The following IL31RA variants were observed in gnomAD, a reference collection of about 807,000 sequenced individuals.
The protein encoded by IL31RA is interleukin 31 receptor A, also known as interleukin-31 receptor subunit alpha.
A neutral mutation model predicts 83.7 loss-of-function variants in IL31RA; 66 were observed. That is an observed-to-expected ratio of 0.79 (90% CI 0.65 to 0.97). The LOEUF is 0.97. Among genes scored for constraint, IL31RA ranks in the 50% least tolerant of loss-of-function variants. The pLI, the probability that IL31RA is intolerant of heterozygous loss-of-function variation, is 0.00. For synonymous variants in IL31RA, 325 were observed against 329.0 expected, an observed-to-expected ratio of 0.99 and a Z score of 0.13; for missense variants, 798 against 919.4, an observed-to-expected ratio of 0.87 and a Z score of 1.71.
At chr5:55,867,445 T>G (rs1746256223) in intron 2 of IL31RA, among the ~76,000 whole-genome samples, 1 of 152,120 alleles carries the variant, frequency 6.6e-6, no homozygotes, top group Non-Finnish European at 1.5e-5. Flanking sequence ...GATACCAAAA[T>G]ATACTGAAAT....
intron 2 of IL31RA, among the ~76,000 whole-genome samples, chr5:55,867,456 G>A (rs901735528): frequency 6.6e-6 from 1 of 150,956 alleles, no homozygotes; most frequent in African/African-American, 2.4e-5. Flanking sequence ...ATACTGAAAT[G>A]AAATCATCAA....
At chr5:55,840,754 A>G in the IL31RA span, among the ~76,000 whole-genome samples, 1 of 152,176 alleles carries the variant, frequency 6.6e-6, no homozygotes, top group Non-Finnish European at 1.5e-5. Context: ...TCAAATGTGT[A>G]TTCCTTTGGG....
At chr5:55,847,633 GT>G (rs1744968151), upstream of IL31RA, among the ~76,000 whole-genome samples, 3 of 152,126 alleles carry the variant, frequency 2.0e-5, no homozygotes, top group South Asian at 6.2e-4. Context: ...ACCCCTTACT[GT>G]TTTCCCCATT....
intron 7 of IL31RA, 148 bp downstream of exon 7, chr5:55,896,577 T>C (rs1240249153): frequency 1.5e-4 from 51 of 337,146 alleles, no homozygotes; most frequent in South Asian, 2.2e-4. Flanking sequence ...TCCCCTCCCT[T>C]CCCCCCACCT....
chr5:55,853,651 A>G, intron 1 of IL31RA: 4 of 1,423,718 alleles, frequency 2.8e-6, no homozygotes, highest in Non-Finnish European at 3.9e-6. Flanking sequence ...TCTTCAGTGA[A>G]ATTATGGGTC....
chr5:55,867,861 G>T (rs1007357753), intron 2 of IL31RA, among the ~76,000 whole-genome samples: 8 of 152,098 alleles, frequency 5.3e-5, no homozygotes, highest in Non-Finnish European at 1.5e-5. Flanking sequence ...TTACTATCAT[G>T]AGAATAGCAC....
intron 10 of IL31RA, 86 bp downstream of exon 10, chr5:55,907,546 T>C: frequency 1.2e-6 from 1 of 868,730 alleles, no homozygotes; most frequent in African/African-American, 1.6e-5. Context: ...CTGTAGCTCA[T>C]TCCCAGCCAT....
At chr5:55,848,480 C>T (rs935788837), upstream of IL31RA, among the ~76,000 whole-genome samples, 2 of 152,170 alleles carry the variant, frequency 1.3e-5, no homozygotes, top group African/African-American at 2.4e-5. Context: ...CATTTCCTTA[C>T]TATCTGGTAC....
In IL31RA at chr5:55,919,724, T is replaced by A. The variant is rs548019938; in HGVS notation, c.*2604T>A. Among the ~76,000 whole-genome samples the A allele has an allele frequency of 6.6e-6, 1 of 152,228 alleles. No individual in the cohort carries two copies. The highest frequency in any genetic ancestry group is 6.5e-5 in the Admixed American group (1 of 15,300). On this transcript the variant is annotated 3_prime_UTR_variant, in exon 15 of 15. Transcript: ENST00000652347. ...AGGTGAGAGGAGCTGTTTCTATGAGTCCCCAAAAGGCACTGGTGGGCCACA... is the reference window on the plus strand; with the variant it reads ...AGGTGAGAGGAGCTGTTTCTATGAGACCCCAAAAGGCACTGGTGGGCCACA...
chr5:55,884,139 T>C (rs1159566652), intron 5 of IL31RA, among the ~76,000 whole-genome samples: 2 of 152,212 alleles, frequency 1.3e-5, no homozygotes, highest in Non-Finnish European at 2.9e-5. Flanking sequence ...TCTGCCTGAT[T>C]TTTCAATTGA....
intron 8 of IL31RA, among the ~76,000 whole-genome samples, chr5:55,904,416 T>C (rs1749007857): frequency 6.6e-6 from 1 of 152,116 alleles, no homozygotes; most frequent in South Asian, 2.1e-4. Flanking sequence ...CAGCAGGGAC[T>C]TTCAGCCAGG....
At chr5:55,868,232 G>C (rs1746307279) in intron 2 of IL31RA, among the ~76,000 whole-genome samples, 1 of 152,122 alleles carries the variant, frequency 6.6e-6, no homozygotes, top group Non-Finnish European at 1.5e-5. Flanking sequence ...CCCTGTTCTA[G>C]ATGGTAGTAT....
rs79074010 is a variant in IL31RA, at chr5:55,883,896, A to G, written c.606+701A>G. Among the ~76,000 whole-genome samples the G allele has an allele frequency of 9.9e-3, 1,502 of 152,338 alleles. 46 individuals are homozygous for G. In the East Asian group the frequency reaches 0.12, roughly 12 times the overall value. ...TTGTATTTTCTAATGTTTGGCTTCT[A>G]TCTCTCAATATTGTGCTTTTAAGAC... On this transcript the variant is annotated intron_variant, in intron 5 of 14. Transcript: ENST00000652347.
intron 2 of IL31RA, among the ~76,000 whole-genome samples, chr5:55,863,506 G>C (rs1000953906): frequency 6.6e-6 from 1 of 152,238 alleles, no homozygotes; most frequent in Non-Finnish European, 1.5e-5. Flanking sequence ...AGAGAAAAGA[G>C]AGTCATGCGC....
At chr5:55,911,144 G>C (rs914189962) in intron 12 of IL31RA, among the ~76,000 whole-genome samples, 22 of 152,054 alleles carry the variant, frequency 1.4e-4, no homozygotes, top group African/African-American at 5.3e-4. Context: ...ACGTGGCTGG[G>C]GAAGCCTCAC....
chr5:55,906,069 T>C (rs761159134), intron 8 of IL31RA, 37 bp from the exon 9 acceptor site: 3 of 1,606,354 alleles, frequency 1.9e-6, no homozygotes, highest in African/African-American at 2.7e-5. Flanking sequence ...GGGAATGAGT[T>C]GGGTAGCTGT....
rs559687171 is a variant in IL31RA, at chr5:55,881,953, T to G, written c.455-1091T>G. 7.2e-5 allele frequency among the ~76,000 whole-genome samples: 11 copies of G among 152,166 alleles called. No homozygotes were observed. The South Asian group carries it at 2.3e-3, about 32-fold the overall frequency. ...GTCTTGAACCCCTGACCTCCTGATC[T>G]GCCTGCCTCAGCCTCCCAAAGTGCT... is the stretch of plus-strand genomic sequence containing the variant. On this transcript the variant is annotated intron_variant, in intron 4 of 14. Coordinates refer to ENST00000652347, the MANE Select transcript of IL31RA (RefSeq NM_139017.7).
At position 55,922,427 on chromosome 5, in the gene IL31RA, A is replaced by G. The variant is rs1341811924; in HGVS notation, c.*5307A>G. ...AATTCTGTCTTCCTGCCCAACTTCA[A>G]TATAAGTGTGGACTAAAATGCGAGA... On this transcript the variant is annotated 3_prime_UTR_variant, in exon 15 of 15. Transcript: ENST00000652347. 1.3e-6 allele frequency: 2 copies of G among 1,550,822 alleles called. No homozygotes were observed. Among genetic ancestry groups the G allele is most frequent in the Admixed American group, 2.0e-5 (1 of 51,012 alleles).
chr5:55,908,131 C>A, intron 10 of IL31RA, 134 bp from the exon 11 acceptor site: 1 of 1,227,094 alleles, frequency 8.1e-7, no homozygotes, highest in Non-Finnish European at 1.2e-6. Flanking sequence ...GCTGATTCAT[C>A]AATTCCCTAC....
Sources: gnomAD v4.1 joint callset for allele counts (sites outside exome capture counted in the v4.1 genomes callset) on GRCh38, gnomAD v4.1.1 for gene constraint, MANE v1.5 for transcripts, NCBI Gene and HGNC (gene_info 2026-07-23, HGNC 2026-07-21) for gene names.